Variants in POLN observed in about 807,000 individuals in gnomAD.
The protein encoded by POLN is DNA polymerase N.
A neutral mutation model predicts 113.5 loss-of-function variants in POLN; 108 were observed. The observed-to-expected ratio is 0.95, with a 90% CI of 0.81 to 1.12. The LOEUF is 1.12. POLN is among the 50% of genes most tolerant of loss of function. The probability of loss-of-function intolerance (pLI) is 0.00; values close to 1 mark genes in which losing one functional copy is unlikely to be tolerated. For synonymous variants in POLN, 386 were observed against 391.5 expected, an observed-to-expected ratio of 0.99 and a Z score of 0.17; for missense variants, 1,097 against 1,077.1, an observed-to-expected ratio of 1.02 and a Z score of -0.26.
rs200225570 is a variant in POLN, at chr4:2,236,299, G to C, written c.-13+5221C>G. On this transcript the variant is annotated intron_variant, in intron 2 of 25. Coordinates refer to ENST00000511885, the MANE Select transcript of POLN (RefSeq NM_181808.4). ...CAAAGCATGTCCACATCCTTATTCC[G>C]TTTGGACAGAAAGAAAGAATGTTCT... is the stretch of plus-strand genomic sequence containing the variant. 138 of 1,613,386 alleles carry C rather than the reference G, an allele frequency of 8.6e-5. No individual in the cohort carries two copies. The Middle Eastern group carries it at 2.0e-3, about 23-fold the overall frequency.
At chr4:2,094,542 C>T (rs146630230) in intron 20 of POLN, among the ~76,000 whole-genome samples, 129 of 152,188 alleles carry the variant, frequency 8.5e-4, no homozygotes, top group African/African-American at 2.4e-3. Context: ...TAAGTTACTA[C>T]ATTTGTGGCA....
chr4:2,157,309 C>T (rs1024794003), intron 15 of POLN, among the ~76,000 whole-genome samples: 12 of 152,166 alleles, frequency 7.9e-5, no homozygotes, highest in African/African-American at 2.7e-4. Context: ...GAGATGCAAT[C>T]GTGGATGTGA....
chr4:2,240,361 A>AT (rs1327031347), intron 2 of POLN: 1 of 1,603,334 alleles, frequency 6.2e-7, no homozygotes, highest in Non-Finnish European at 8.5e-7. Context: ...GAAAATTGCG[A>AT]TAAAAATACC....
chr4:2,208,039 AG>A lies in POLN; in HGVS notation c.661del (p.Leu221TrpfsTer2), dbSNP rs757864095. 8 of 1,614,026 alleles carry A rather than the reference AG, an allele frequency of 5.0e-6. No homozygotes were observed. Among genetic ancestry groups the A allele is most frequent in the Non-Finnish European group, 5.1e-6 (6 of 1,180,024 alleles). ...LIEMLKQAAA[L>X]VITVMYTDGS... ...ATCAGTATACATCACAGTTATCACC[AG>A]GGCTGCTGCCTGTTTGAGCATTTCA... On this transcript the variant is annotated frameshift_variant, in exon 5 of 26. Transcript: ENST00000511885. LOFTEE classifies it high-confidence loss of function.
intron 14 of POLN, among the ~76,000 whole-genome samples, chr4:2,158,890 T>A (rs983916161): frequency 9.2e-5 from 14 of 152,332 alleles, no homozygotes; most frequent in African/African-American, 3.4e-4. Context: ...CACACAGCCG[T>A]GGCATGCCAC....
intron 3 of POLN, among the ~76,000 whole-genome samples, chr4:2,219,187 A>C (rs1734192198): frequency 6.6e-6 from 1 of 152,146 alleles, no homozygotes; most frequent in Admixed American, 6.5e-5. Flanking sequence ...ATTATAGTGT[A>C]ATCTGGGCCA....
At chr4:2,206,582 G>C (rs1014242614) in intron 5 of POLN, among the ~76,000 whole-genome samples, 2 of 152,134 alleles carry the variant, frequency 1.3e-5, no homozygotes, top group Admixed American at 6.5e-5. Flanking sequence ...CAAAAAGTGG[G>C]CTAAGGACAT....
At chr4:2,118,569 A>G (rs1731371331) in intron 19 of POLN, among the ~76,000 whole-genome samples, 1 of 152,232 alleles carries the variant, frequency 6.6e-6, no homozygotes, top group South Asian at 2.1e-4. Context: ...CTTACAAGTT[A>G]TCACAGGTGA....
chr4:2,212,115 T>C lies in POLN; in HGVS notation c.213+932A>G, dbSNP rs34768665. On this transcript the variant is annotated intron_variant, in intron 4 of 25. Coordinates refer to ENST00000511885, the MANE Select transcript of POLN (RefSeq NM_181808.4). The stretch of plus-strand genomic sequence containing the variant: ...GCATTTAGGTTTAAATTTAATTAGG[T>C]TGGGAGTTGAACACAGGTAGTTTAC... 1.8e-3 allele frequency among the ~76,000 whole-genome samples: 267 copies of C among 152,276 alleles called. 2 individuals are homozygous for C. The highest frequency in any genetic ancestry group is 6.8e-3 in the Middle Eastern group (2 of 292).
rs144785624 is a variant in POLN at position 2,185,857 on chromosome 4, G to A, written c.1022-6392C>T. On this transcript the variant is annotated intron_variant, in intron 7 of 25. Coordinates refer to ENST00000511885, the MANE Select transcript of POLN (RefSeq NM_181808.4). ...ACAAAAACAGTTATAGAACAACTAGGGAAGTGCAAACACTGACTAGACAGC... is the reference window on the plus strand; with the variant it reads ...ACAAAAACAGTTATAGAACAACTAGAGAAGTGCAAACACTGACTAGACAGC... Among the ~76,000 whole-genome samples, 45 of 152,202 alleles carry A rather than the reference G, an allele frequency of 3.0e-4. No individual in the cohort carries two copies. In the South Asian group the frequency reaches 3.9e-3, roughly 13 times the overall value.
chr4:2,118,453 T>C lies in POLN; in HGVS notation c.1982+9660A>G, dbSNP rs562208512. 3.3e-5 allele frequency among the ~76,000 whole-genome samples: 5 copies of C among 152,278 alleles called. No homozygotes were observed. In the South Asian group the frequency reaches 1.0e-3, roughly 32 times the overall value. On this transcript the variant is annotated intron_variant, in intron 19 of 25. Coordinates refer to ENST00000511885, the MANE Select transcript of POLN (RefSeq NM_181808.4). ...GCCAATTCTTTTCTGAGTTTGTCTC[T>C]TACTTATAATACCTTGTCACATGTA...
chr4:2,102,036 C>A (rs1412953070), intron 19 of POLN, among the ~76,000 whole-genome samples: 2 of 152,136 alleles, frequency 1.3e-5, no homozygotes, highest in Non-Finnish European at 2.9e-5. Context: ...CACTCTCCAG[C>A]CAAGGCTGTG....
At chr4:2,110,401 G>C (rs1042273092) in intron 19 of POLN, among the ~76,000 whole-genome samples, 130 of 152,194 alleles carry the variant, frequency 8.5e-4, no homozygotes, top group African/African-American at 3.0e-3. Flanking sequence ...GAGCAGAACT[G>C]AAGGAAATAG....
chr4:2,115,474 C>A (rs1039579217), intron 19 of POLN, among the ~76,000 whole-genome samples: 3 of 152,022 alleles, frequency 2.0e-5, no homozygotes, highest in Non-Finnish European at 4.4e-5. Context: ...ATCATCTATT[C>A]ATCTGAGACA....
chr4:2,162,464 C>T (rs530256719), intron 13 of POLN, among the ~76,000 whole-genome samples: 40 of 152,294 alleles, frequency 2.6e-4, no homozygotes, highest in African/African-American at 7.2e-4. Context: ...CGAGGGTCTG[C>T]GGCTTCATTC....
In POLN at chr4:2,226,872, C is replaced by T. The variant is rs529008021; in HGVS notation, c.133+2227G>A. On this transcript the variant is annotated intron_variant, in intron 3 of 25. Coordinates refer to ENST00000511885, the MANE Select transcript of POLN (RefSeq NM_181808.4). ...TTCTTAGAAGAATTTGACATAACAG[C>T]TCAGTATTTCACAAGAATCCAGAGT... is the stretch of plus-strand genomic sequence containing the variant. 2.6e-5 allele frequency among the ~76,000 whole-genome samples: 4 copies of T among 152,294 alleles called. No individual in the cohort carries two copies. The South Asian group carries it at 8.3e-4, about 32-fold the overall frequency.
rs373634207 is a variant in POLN, at chr4:2,231,902, A to G, written c.-12-2659T>C. The stretch of plus-strand genomic sequence containing the variant: ...TCTAATAAATAAAAGAGGACACGTA[A>G]TAAAGATTCAGTTTTCAGTAATTTT... On this transcript the variant is annotated intron_variant, in intron 2 of 25. Coordinates refer to ENST00000511885, the MANE Select transcript of POLN (RefSeq NM_181808.4). 159 of 974,264 alleles carry G rather than the reference A, an allele frequency of 1.6e-4. No individual in the cohort carries two copies. In the African/African-American group the frequency reaches 2.4e-3, roughly 15 times the overall value. The allele number at this position is 974,264 out of a possible 1,614,324, so 60.4% of individuals were successfully genotyped here.
rs552586722 is a variant in POLN at position 2,199,578 on chromosome 4, T to C, written c.715-861A>G. Reference sequence around the variant, plus strand: ...CTCAGAAGATGGTATATATATACTTTTATTTTATTTTTTTTAGACATGGAG... The same window carrying C: ...CTCAGAAGATGGTATATATATACTTCTATTTTATTTTTTTTAGACATGGAG... On this transcript the variant is annotated intron_variant, in intron 5 of 25. Transcript: ENST00000511885. 1.7e-3 allele frequency among the ~76,000 whole-genome samples: 265 copies of C among 152,258 alleles called. 2 individuals carry two copies. Among genetic ancestry groups the C allele is most frequent in the Middle Eastern group, 6.8e-3 (2 of 294 alleles).
rs1731485089 is a variant in POLN, at chr4:2,122,974, A to G, written c.1982+5139T>C. 5.3e-5 allele frequency among the ~76,000 whole-genome samples: 8 copies of G among 150,992 alleles called. No homozygotes were observed. The South Asian group carries it at 1.7e-3, about 32-fold the overall frequency. ...TTGAGGCCAGCCTAGGCAACATAGG[A>G]AGACAGAGCCTCTACCAAAAAGAAA... On this transcript the variant is annotated intron_variant, in intron 19 of 25. Coordinates refer to ENST00000511885, the MANE Select transcript of POLN (RefSeq NM_181808.4).
Sources: allele counts gnomAD v4.1 joint callset (sites outside exome capture counted in the v4.1 genomes callset), GRCh38; gene constraint gnomAD v4.1.1; transcripts MANE v1.5; gene names NCBI Gene and HGNC (gene_info 2026-07-23, HGNC 2026-07-21).